Variants in ST8SIA4 observed in about 807,000 individuals in gnomAD.
ST8SIA4 encodes the protein CMP-N-acetylneuraminate-poly-alpha-2,8-sialyltransferase.
A neutral mutation model predicts 33.9 loss-of-function variants in ST8SIA4; 15 were observed. The observed-to-expected ratio is 0.44, with a 90% CI of 0.30 to 0.68. The LOEUF is 0.68. ST8SIA4 is among the 30% of genes least tolerant of loss of function. The pLI is 0.10. For missense variants in ST8SIA4, 321 were observed against 428.0 expected, an observed-to-expected ratio of 0.75 and a Z score of 2.21; for synonymous variants, 171 against 151.2, an observed-to-expected ratio of 1.13 and a Z score of -0.96.
chr5:100,865,708 C>G (rs755368135), intron 3 of ST8SIA4, among the ~76,000 whole-genome samples: 8 of 152,138 alleles, frequency 5.3e-5, no homozygotes, highest in Non-Finnish European at 1.2e-4. Context: ...ATACAAGCAT[C>G]TCAGAGACTT....
At chr5:100,824,496 T>C (rs1321426286) in intron 4 of ST8SIA4, among the ~76,000 whole-genome samples, 1 of 152,214 alleles carries the variant, frequency 6.6e-6, no homozygotes, top group Admixed American at 6.5e-5. Flanking sequence ...ATAAAATTTA[T>C]GGGAACTCTT....
intron 1 of ST8SIA4, among the ~76,000 whole-genome samples, chr5:100,902,562 T>G (rs1752943885): frequency 6.6e-6 from 1 of 152,180 alleles, no homozygotes; most frequent in African/African-American, 2.4e-5. Flanking sequence ...CACACGTTCT[T>G]TGTTGACACT....
chr5:100,856,552 AAGTCTCCGCACGTGC>A (rs1751817974), intron 3 of ST8SIA4, among the ~76,000 whole-genome samples, 156 bp from the exon 4 acceptor site: 1 of 152,226 alleles, frequency 6.6e-6, no homozygotes, highest in Non-Finnish European at 1.5e-5. Context: ...CATTTTCAAT[AAGTCTCCGCACGTGC>A]AGGAATACTG....
At position 100,819,227 on chromosome 5, in the gene ST8SIA4, G is replaced by A. The variant is rs150678555; in HGVS notation, c.798-7098C>T. 3.1e-4 allele frequency among the ~76,000 whole-genome samples: 47 copies of A among 152,274 alleles called. No individual in the cohort carries two copies. The East Asian group carries it at 9.1e-3, about 29-fold the overall frequency. ...CAGCCAACAAGCTGTACATTGGTAC[G>A]TTGGTGAATGTTTAAAGCAGACACT... On this transcript the variant is annotated intron_variant, in intron 4 of 4. Coordinates refer to ENST00000231461, the MANE Select transcript of ST8SIA4 (RefSeq NM_005668.6).
intron 2 of ST8SIA4, among the ~76,000 whole-genome samples, chr5:100,895,230 A>G (rs1752755666): frequency 6.6e-6 from 1 of 152,050 alleles, no homozygotes; most frequent in Admixed American, 6.6e-5. Context: ...GGATAAGACT[A>G]ATTTATTTAT....
chr5:100,855,017 T>C (rs1751784486), intron 4 of ST8SIA4, among the ~76,000 whole-genome samples: 1 of 152,242 alleles, frequency 6.6e-6, no homozygotes. Context: ...CTGTGCTTCA[T>C]AGAGCATAAA....
intron 3 of ST8SIA4, chr5:100,885,448 AAAAATATTC>A: frequency 1.1e-6 from 1 of 935,592 alleles, no homozygotes; most frequent in Non-Finnish European, 1.3e-6. Flanking sequence ...AAAATATTCA[AAAAATATTC>A]AAAATATTCA....
chr5:100,887,900 T>C (rs541217570), intron 2 of ST8SIA4, among the ~76,000 whole-genome samples: 74 of 152,066 alleles, frequency 4.9e-4, no homozygotes, highest in Admixed American at 9.8e-4. Context: ...ATCTAAACTG[T>C]GTGAGAGTCT....
intron 3 of ST8SIA4, among the ~76,000 whole-genome samples, chr5:100,874,933 T>C (rs936957849): frequency 2.6e-5 from 4 of 152,154 alleles, no homozygotes; most frequent in Admixed American, 1.3e-4. Context: ...GTTTACATGA[T>C]ATTTAGCACA....
chr5:100,899,312 T>C (rs570302189), intron 1 of ST8SIA4, among the ~76,000 whole-genome samples: 3 of 152,308 alleles, frequency 2.0e-5, no homozygotes, highest in East Asian at 1.9e-4. Context: ...ATAAAGATGA[T>C]AGTTTCTACC....
At chr5:100,882,937 G>C (rs1752457057) in intron 3 of ST8SIA4, among the ~76,000 whole-genome samples, 1 of 152,250 alleles carries the variant, frequency 6.6e-6, no homozygotes, top group East Asian at 1.9e-4. Flanking sequence ...GGTGCTCACG[G>C]ATAACCTCTG....
intron 4 of ST8SIA4, among the ~76,000 whole-genome samples, chr5:100,846,706 C>A (rs1214389128): frequency 2.0e-5 from 3 of 151,968 alleles, no homozygotes; most frequent in Non-Finnish European, 4.4e-5. Context: ...GCCAATGTTA[C>A]AGGGGTGCTA....
chr5:100,864,302 C>T (rs534743206), intron 3 of ST8SIA4, among the ~76,000 whole-genome samples: 20 of 151,912 alleles, frequency 1.3e-4, no homozygotes, highest in Admixed American at 6.6e-4. Flanking sequence ...GGGCCGGGTG[C>T]GGTGGCTCAC....
intron 4 of ST8SIA4, chr5:100,816,615 G>A (rs769551398): frequency 5.9e-6 from 3 of 504,844 alleles, no homozygotes; most frequent in Admixed American, 2.4e-5. Flanking sequence ...AAAATCAAAT[G>A]TGACAATTTC....
chr5:100,894,314 T>G (rs908565030), intron 2 of ST8SIA4, among the ~76,000 whole-genome samples: 1 of 152,120 alleles, frequency 6.6e-6, no homozygotes, highest in African/African-American at 2.4e-5. Context: ...TTAAGGTTTC[T>G]TTTTTATTTA....
At chr5:100,861,980 A>G (rs893464410) in intron 3 of ST8SIA4, among the ~76,000 whole-genome samples, 10 of 152,194 alleles carry the variant, frequency 6.6e-5, no homozygotes, top group Non-Finnish European at 1.3e-4. Flanking sequence ...TCCTTTTACA[A>G]TCTATTATGA....
At chr5:100,885,188 G>T in intron 3 of ST8SIA4, 1 of 215,042 alleles carries the variant, frequency 4.7e-6, no homozygotes, top group Non-Finnish European at 8.0e-6. Flanking sequence ...GTCTTTGTTT[G>T]TATCTACTTG....
intron 2 of ST8SIA4, among the ~76,000 whole-genome samples, chr5:100,891,184 G>A (rs979317350): frequency 6.6e-6 from 1 of 151,700 alleles, no homozygotes; most frequent in Admixed American, 6.6e-5. Context: ...ACTGTGTGAC[G>A]AATCTTATAG....
intron 4 of ST8SIA4, among the ~76,000 whole-genome samples, chr5:100,850,008 T>C (rs1751657116): frequency 6.6e-6 from 1 of 152,186 alleles, no homozygotes; most frequent in Non-Finnish European, 1.5e-5. Flanking sequence ...AGGTATCTTA[T>C]GTATTCTCCA....
Sources: gnomAD v4.1 joint callset for allele counts (sites outside exome capture counted in the v4.1 genomes callset) on GRCh38, gnomAD v4.1.1 for gene constraint, MANE v1.5 for transcripts, NCBI Gene and HGNC (gene_info 2026-07-23, HGNC 2026-07-21) for gene names.